The following SLC24A2 variants were observed in gnomAD, a reference collection of about 807,000 sequenced individuals.
SLC24A2 encodes the protein solute carrier family 24 member 2, also known as sodium/potassium/calcium exchanger 2.
A neutral mutation model predicts 62.0 loss-of-function variants in SLC24A2; 36 were observed. That is an observed-to-expected ratio of 0.58 (90% CI 0.44 to 0.77). The LOEUF is 0.77. SLC24A2 is among the 30% of genes least tolerant of loss of function. SLC24A2 has a pLI of 0.00. For synonymous variants in SLC24A2, 358 were observed against 294.0 expected, an observed-to-expected ratio of 1.22 and a Z score of -2.23; for missense variants, 846 against 817.9, an observed-to-expected ratio of 1.03 and a Z score of -0.42.
chr9:19,591,995 G>C (rs754221882), intron 5 of SLC24A2, among the ~76,000 whole-genome samples: 1 of 152,016 alleles, frequency 6.6e-6, no homozygotes, highest in Non-Finnish European at 1.5e-5. Flanking sequence ...ATATATCCTG[G>C]GCAATGAAAA....
the SLC24A2 span, among the ~76,000 whole-genome samples, chr9:20,192,629 T>G: frequency 2.0e-5 from 3 of 152,190 alleles, no homozygotes; most frequent in African/African-American, 4.8e-5. Flanking sequence ...GATTAAGAAC[T>G]ATGTCATTAT....
chr9:19,611,742 C>T (rs938138539), intron 4 of SLC24A2, among the ~76,000 whole-genome samples: 1 of 152,108 alleles, frequency 6.6e-6, no homozygotes, highest in Non-Finnish European at 1.5e-5. Context: ...GAACTTCCAT[C>T]TCTTCCCTAT....
intron 4 of SLC24A2, among the ~76,000 whole-genome samples, chr9:19,598,769 C>T (rs923008821): frequency 1.8e-4 from 27 of 151,934 alleles, no homozygotes; most frequent in African/African-American, 5.8e-4. Flanking sequence ...GACCTAAATA[C>T]CTTCATAAAT....
the SLC24A2 span, among the ~76,000 whole-genome samples, chr9:20,230,682 T>G: frequency 1.3e-5 from 2 of 152,218 alleles, no homozygotes; most frequent in Admixed American, 6.5e-5. Flanking sequence ...ATTCTGTAGG[T>G]TGCCTGTTCA....
intron 5 of SLC24A2, among the ~76,000 whole-genome samples, chr9:19,588,996 A>T (rs1836464735): frequency 6.6e-6 from 1 of 152,166 alleles, no homozygotes; most frequent in Admixed American, 6.5e-5. Flanking sequence ...TCTGCAATTC[A>T]TTGTTAGTGT....
chr9:19,705,200 T>G (rs1041755114), intron 2 of SLC24A2: 5 of 152,176 alleles, frequency 3.3e-5, no homozygotes. Flanking sequence ...AATGACATAA[T>G]GCAAATAATG....
chr9:19,529,703 G>T (rs1833606661), intron 8 of SLC24A2, among the ~76,000 whole-genome samples: 1 of 150,340 alleles, frequency 6.7e-6, no homozygotes, highest in South Asian at 2.1e-4. Flanking sequence ...TGGGTAATGG[G>T]GGAAATAAAA....
chr9:19,832,945 C>T, the SLC24A2 span, among the ~76,000 whole-genome samples: 1 of 152,178 alleles, frequency 6.6e-6, no homozygotes, highest in Non-Finnish European at 1.5e-5. Context: ...TGAACAGACA[C>T]TTCTCAAAAG....
chr9:20,103,913 G>A, the SLC24A2 span, among the ~76,000 whole-genome samples: 1 of 152,106 alleles, frequency 6.6e-6, no homozygotes, highest in Non-Finnish European at 1.5e-5. Context: ...GCTACAGGAG[G>A]AAATTCAAAC....
At chr9:20,261,202 C>G in the SLC24A2 span, among the ~76,000 whole-genome samples, 23,044 of 152,036 alleles carry the variant, frequency 0.15, 1,845 homozygotes, top group Middle Eastern at 0.19. Context: ...GCTTAGCAAC[C>G]ACATATGACT....
the SLC24A2 span, among the ~76,000 whole-genome samples, chr9:19,824,854 G>A: frequency 5.5e-4 from 84 of 152,296 alleles, 2 homozygotes; most frequent in South Asian, 0.017. Flanking sequence ...AAAAAGATGA[G>A]TTCATGTCCT....
At chr9:20,118,184 A>G in the SLC24A2 span, among the ~76,000 whole-genome samples, 2 of 142,192 alleles carry the variant, frequency 1.4e-5, no homozygotes, top group African/African-American at 5.2e-5. Flanking sequence ...GTGAGAATCG[A>G]AAGAAAAAAG....
At chr9:20,228,642 A>G in the SLC24A2 span, among the ~76,000 whole-genome samples, 2 of 152,096 alleles carry the variant, frequency 1.3e-5, no homozygotes, top group Non-Finnish European at 2.9e-5. Flanking sequence ...TGAACGCCCC[A>G]TTGTCTCTGA....
chr9:19,613,568 G>A (rs2117847215), intron 4 of SLC24A2, among the ~76,000 whole-genome samples: 1 of 152,144 alleles, frequency 6.6e-6, no homozygotes, highest in South Asian at 2.1e-4. Flanking sequence ...CCAAACCAGA[G>A]GAAGAGAGAG....
chr9:19,819,904 C>T, the SLC24A2 span, among the ~76,000 whole-genome samples: 2,395 of 151,164 alleles, frequency 0.016, 65 homozygotes, highest in African/African-American at 0.056. Flanking sequence ...TACTTGCACA[C>T]ACATGTTTAT....
chr9:19,649,336 A>G (rs1328113140), intron 2 of SLC24A2, among the ~76,000 whole-genome samples: 2 of 152,186 alleles, frequency 1.3e-5, no homozygotes, highest in African/African-American at 4.8e-5. Context: ...TGTAGCTTGA[A>G]TCGTTACACA....
chr9:20,293,986 T>A, the SLC24A2 span, among the ~76,000 whole-genome samples: 2 of 152,096 alleles, frequency 1.3e-5, no homozygotes, highest in African/African-American at 4.8e-5. Context: ...TCCGTGTATC[T>A]CTGGCCAGCC....
the SLC24A2 span, among the ~76,000 whole-genome samples, chr9:20,034,758 G>A: frequency 5.3e-5 from 8 of 152,108 alleles, no homozygotes; most frequent in Non-Finnish European, 1.0e-4. Context: ...GTGAGCCACC[G>A]CGCCCGGCCT....
At chr9:19,831,560 G>A in the SLC24A2 span, among the ~76,000 whole-genome samples, 2 of 152,286 alleles carry the variant, frequency 1.3e-5, no homozygotes, top group South Asian at 4.1e-4. Context: ...CAACTGTAGT[G>A]CTACAAATAT....
Sources: allele counts gnomAD v4.1 joint callset (sites outside exome capture counted in the v4.1 genomes callset), GRCh38; gene constraint gnomAD v4.1.1; transcripts MANE v1.5; gene names NCBI Gene and HGNC (gene_info 2026-07-23, HGNC 2026-07-21).